Variants in NT5E observed in about 807,000 individuals in gnomAD.
NT5E encodes 5'-nucleotidase.
NT5E carries 53 observed loss-of-function variants against 55.1 expected under a neutral mutation model. That is an observed-to-expected ratio of 0.96 (90% CI 0.77 to 1.21). The LOEUF is 1.21. Ranked by LOEUF, NT5E falls within the 50% of genes most tolerant of loss-of-function variation. The pLI is 0.00. For missense variants in NT5E, 683 were observed against 724.3 expected (o/e 0.94, Z 0.65); for synonymous variants, 270 against 278.4 (o/e 0.97, Z 0.30).
In NT5E at chr6:85,450,920, T is replaced by A. The variant is rs1180037459; in HGVS notation, c.339+442T>A. On this transcript the variant is annotated intron_variant, in intron 1 of 8. Coordinates refer to ENST00000257770, the MANE Select transcript of NT5E (RefSeq NM_002526.4). The surrounding 1 kb of genome is among the most constrained non-coding windows in gnomAD (Gnocchi z 4.0). ...AACCGCGTCGAAGAAGCTGAATAAA[T>A]TAACAGGCACCATCCCCGCAAAAAG... 6.6e-6 allele frequency among the ~76,000 whole-genome samples: 1 copy of A among 152,166 alleles called. No individual in the cohort carries two copies. The highest frequency in any genetic ancestry group is 1.5e-5 in the Non-Finnish European group (1 of 68,018).
At chr6:85,465,146 G>C (rs1353483912) in intron 1 of NT5E, among the ~76,000 whole-genome samples, 1 of 152,166 alleles carries the variant, frequency 6.6e-6, no homozygotes, top group Non-Finnish European at 1.5e-5. Context: ...CTCTCCCCAT[G>C]GGGCAAGAGA....
chr6:85,491,953 A>C, intron 7 of NT5E, 24 bp from the exon 8 acceptor site: 1 of 1,606,842 alleles, frequency 6.2e-7, no homozygotes, highest in Non-Finnish European at 8.5e-7. Flanking sequence ...GGATCTGGTG[A>C]AAACAGATTC....
chr6:85,451,098 T>TA (rs1768848017), intron 1 of NT5E, among the ~76,000 whole-genome samples: 1 of 152,184 alleles, frequency 6.6e-6, no homozygotes, highest in African/African-American at 2.4e-5. Flanking sequence ...CTATCCTGTA[T>TA]AAAAATAAGG....
Position 85,483,985 on chromosome 6 carries a change from G to A in NT5E, c.752-1250G>A, listed in dbSNP as rs576434083. Among the ~76,000 whole-genome samples the A allele has an allele frequency of 4.6e-5, 7 of 152,238 alleles. No homozygotes were observed. The East Asian group carries it at 7.7e-4, about 17-fold the overall frequency. On this transcript the variant is annotated intron_variant, in intron 3 of 8. Coordinates refer to ENST00000257770, the MANE Select transcript of NT5E (RefSeq NM_002526.4). The stretch of plus-strand genomic sequence containing the variant: ...CTCATCACATACCAGCTGTGTGACC[G>A]TGGGTACTCTGTCTATGACAATCAA...
intron 3 of NT5E, among the ~76,000 whole-genome samples, chr6:85,481,650 T>C (rs1280633349): frequency 6.6e-6 from 1 of 152,194 alleles, no homozygotes; most frequent in Non-Finnish European, 1.5e-5. Flanking sequence ...ATAAGGTTCC[T>C]GGGCACGTGG....
At chr6:85,490,156 A>G (rs1302298896) in intron 6 of NT5E, among the ~76,000 whole-genome samples, 1 of 152,204 alleles carries the variant, frequency 6.6e-6, no homozygotes, top group Non-Finnish European at 1.5e-5. Context: ...TTGTCAGACA[A>G]CAGGGACAGG....
intron 3 of NT5E, among the ~76,000 whole-genome samples, chr6:85,478,043 A>AT (rs1554200839): frequency 0.011 from 1,623 of 151,476 alleles, 15 homozygotes; most frequent in Middle Eastern, 0.02. Flanking sequence ...AAAAAAAAAA[A>AT]GGATTTTGCT....
intron 3 of NT5E, among the ~76,000 whole-genome samples, chr6:85,476,184 A>G (rs753636043): frequency 5.9e-5 from 9 of 152,154 alleles, no homozygotes; most frequent in Non-Finnish European, 1.2e-4. Context: ...GAGTCCCTTG[A>G]TCTCCTCAAT....
chr6:85,470,782 A>G (rs531331172), intron 2 of NT5E, among the ~76,000 whole-genome samples: 132 of 152,350 alleles, frequency 8.7e-4, no homozygotes, highest in Non-Finnish European at 1.7e-3. Context: ...ATCAACTGCC[A>G]TATTAAAATA....
intron 1 of NT5E, among the ~76,000 whole-genome samples, chr6:85,453,229 G>T (rs574022791): frequency 5.9e-5 from 9 of 152,278 alleles, no homozygotes; most frequent in African/African-American, 2.2e-4. Context: ...GACAGTATGC[G>T]CTTGGCCTGG....
intron 1 of NT5E, among the ~76,000 whole-genome samples, chr6:85,464,067 AT>A (rs67527174): frequency 0.27 from 26,094 of 97,876 alleles, 2,933 homozygotes; most frequent in East Asian, 0.52. Context: ...GTAGTTAGGA[AT>A]TTTTTTTTTT....
At chr6:85,463,740 G>A (rs1000219742) in intron 1 of NT5E, among the ~76,000 whole-genome samples, 8 of 152,130 alleles carry the variant, frequency 5.3e-5, no homozygotes, top group Non-Finnish European at 8.8e-5. Flanking sequence ...AGTATGCCTC[G>A]GTGTGGTGGG....
chr6:85,467,381 T>C, intron 2 of NT5E, 99 bp downstream of exon 2: 1 of 972,712 alleles, frequency 1.0e-6, no homozygotes, highest in Non-Finnish European at 1.6e-6. Flanking sequence ...TAGGAACAAC[T>C]GGGTAAATAG....
chr6:85,491,295 C>A (rs1433429056), intron 7 of NT5E: 2 of 332,548 alleles, frequency 6.0e-6, no homozygotes, highest in African/African-American at 4.4e-5. Context: ...GTGAATTAAT[C>A]CTTTAAAAGC....
intron 5 of NT5E, among the ~76,000 whole-genome samples, chr6:85,488,343 G>A (rs528846869): frequency 1.1e-4 from 16 of 152,274 alleles, no homozygotes; most frequent in Admixed American, 5.2e-4. Context: ...AACTGCACTC[G>A]ATAAATGTTT....
intron 1 of NT5E, among the ~76,000 whole-genome samples, chr6:85,451,450 G>A (rs995548084): frequency 2.0e-5 from 3 of 152,106 alleles, no homozygotes; most frequent in African/African-American, 7.2e-5. Flanking sequence ...TCTAGAAAGG[G>A]AGCAGAGGTG....
intron 1 of NT5E, among the ~76,000 whole-genome samples, chr6:85,454,836 T>G (rs1172065949): frequency 1.3e-5 from 2 of 152,226 alleles, no homozygotes; most frequent in Non-Finnish European, 2.9e-5. Context: ...AATTCACTTC[T>G]CAGCATCACC....
chr6:85,455,389 G>A (rs894661908), intron 1 of NT5E, among the ~76,000 whole-genome samples: 8 of 152,192 alleles, frequency 5.3e-5, no homozygotes, highest in African/African-American at 1.9e-4. Context: ...TCCAGGAAAG[G>A]AGGGTGGGAC....
chr6:85,494,965 G>T lies in NT5E; in HGVS notation c.*961G>T, dbSNP rs1181146432. On this transcript the variant is annotated 3_prime_UTR_variant, in exon 9 of 9. Transcript: ENST00000257770. ...TATTTTATGAGATTCCATCAGCTCTGCCTCTGTCCTCTTTCTTCTAACATG... is the reference window on the plus strand; with the variant it reads ...TATTTTATGAGATTCCATCAGCTCTTCCTCTGTCCTCTTTCTTCTAACATG... 6.6e-6 allele frequency: 1 copy of T among 152,204 alleles called. No individual in the cohort carries two copies. Among genetic ancestry groups the T allele is most frequent in the Non-Finnish European group, 1.5e-5 (1 of 68,044 alleles). 9.4% of individuals were successfully genotyped at this position (152,204 alleles called of 1,614,324 possible).
Sources: gnomAD v4.1 joint callset for allele counts (sites outside exome capture counted in the v4.1 genomes callset) on GRCh38, gnomAD v4.1.1 for gene constraint, Gnocchi (gnomAD v3.1) non-coding constraint, MANE v1.5 for transcripts, NCBI Gene and HGNC (gene_info 2026-07-23, HGNC 2026-07-21) for gene names.